Variants in GOLGA5 observed in about 807,000 individuals in gnomAD.
GOLGA5 encodes the protein golgin subfamily A member 5.
GOLGA5 carries 50 observed loss-of-function variants against 93.5 expected under a neutral mutation model. The observed-to-expected ratio is 0.53, with a 90% CI of 0.43 to 0.68. The LOEUF is 0.68. Ranked by LOEUF, GOLGA5 falls within the 30% of genes least tolerant of loss-of-function variation. GOLGA5 has a pLI of 0.00. For synonymous variants in GOLGA5, 312 were observed against 304.5 expected (o/e 1.02, Z -0.26); for missense variants, 760 against 856.4 (o/e 0.89, Z 1.40).
chr14:92,799,898 C>T (rs1309316978), intron 2 of GOLGA5, among the ~76,000 whole-genome samples: 1 of 152,172 alleles, frequency 6.6e-6, no homozygotes, highest in East Asian at 1.9e-4. Context: ...TGAGCCACCA[C>T]ACCTGGCCAG....
chr14:92,808,626 C>T (rs1019000860), intron 3 of GOLGA5, among the ~76,000 whole-genome samples: 5 of 146,064 alleles, frequency 3.4e-5, no homozygotes, highest in Admixed American at 2.1e-4. Flanking sequence ...GCACTCCAGC[C>T]GGGGCAACAG....
chr14:92,811,056 C>G (rs1885092942), intron 5 of GOLGA5, among the ~76,000 whole-genome samples: 1 of 152,076 alleles, frequency 6.6e-6, no homozygotes, highest in Admixed American at 6.5e-5. Flanking sequence ...ACAATATATC[C>G]AAAGTATTAA....
intron 8 of GOLGA5, among the ~76,000 whole-genome samples, chr14:92,822,814 G>A (rs944639314): frequency 6.6e-6 from 1 of 152,000 alleles, no homozygotes; most frequent in Non-Finnish European, 1.5e-5. Flanking sequence ...TCACCACTAT[G>A]GCTGGCTAAT....
intron 9 of GOLGA5, among the ~76,000 whole-genome samples, chr14:92,828,200 G>T (rs901447483): frequency 2.6e-5 from 4 of 152,216 alleles, no homozygotes; most frequent in African/African-American, 9.6e-5. Context: ...CAGGAGAGGA[G>T]AAGTCACTGC....
At chr14:92,828,662 ATTAAT>A (rs1419045550) in intron 9 of GOLGA5, among the ~76,000 whole-genome samples, 1 of 152,120 alleles carries the variant, frequency 6.6e-6, no homozygotes, top group East Asian at 1.9e-4. Flanking sequence ...AATTAAATTA[ATTAAT>A]TTATTTATTT....
chr14:92,828,909 T>C (rs1341525187), intron 9 of GOLGA5, among the ~76,000 whole-genome samples: 3 of 152,160 alleles, frequency 2.0e-5, no homozygotes, highest in African/African-American at 7.2e-5. Context: ...CCTCAACCAA[T>C]CCACCTGCGT....
intron 10 of GOLGA5, among the ~76,000 whole-genome samples, chr14:92,834,930 G>A (rs1387807120): frequency 1.3e-5 from 2 of 152,210 alleles, no homozygotes; most frequent in African/African-American, 4.8e-5. Flanking sequence ...GGTGGACTGA[G>A]AATTTATTTT....
chr14:92,818,955 A>G (rs1885261095), intron 7 of GOLGA5, among the ~76,000 whole-genome samples: 1 of 152,208 alleles, frequency 6.6e-6, no homozygotes, highest in African/African-American at 2.4e-5. Flanking sequence ...TAAAGTAATA[A>G]AGCTAAAAGA....
chr14:92,834,853 G>A (rs985451986), intron 10 of GOLGA5, among the ~76,000 whole-genome samples: 2 of 152,234 alleles, frequency 1.3e-5, no homozygotes, highest in Non-Finnish European at 2.9e-5. Context: ...GAGGCCGGAG[G>A]TGGGTGGGTA....
At chr14:92,809,628 C>T in intron 4 of GOLGA5, 109 bp downstream of exon 4, 2 of 710,632 alleles carry the variant, frequency 2.8e-6, no homozygotes, top group Non-Finnish European at 4.8e-6. Flanking sequence ...GGGAATATTT[C>T]TTTTGGTAGT....
chr14:92,839,786 CTAAT>C lies in GOLGA5; in HGVS notation c.*342_*345del. The C allele has an allele frequency of 3.7e-6, 1 of 270,970 alleles. No individual in the cohort carries two copies. Among genetic ancestry groups the C allele is most frequent in the South Asian group, 1.7e-4 (1 of 5,750 alleles). The allele number at this position is 270,970 out of a possible 1,614,324, so 16.8% of individuals were successfully genotyped here. On this transcript the variant is annotated 3_prime_UTR_variant, in exon 13 of 13. Coordinates refer to ENST00000163416, the MANE Select transcript of GOLGA5 (RefSeq NM_005113.4). Reference sequence around the variant, plus strand: ...TGATTATGGGTTATAATCAGGGAAACTAATTGTATTTAGTGACAAAAATAAAAAG... The same window carrying C: ...TGATTATGGGTTATAATCAGGGAAACTGTATTTAGTGACAAAAATAAAAAG...
rs1402012266 is a variant in GOLGA5, at chr14:92,815,697, A to ATTT, written c.1321-553_1321-552insTTT. On this transcript the variant is annotated intron_variant, in intron 6 of 12. Coordinates refer to ENST00000163416, the MANE Select transcript of GOLGA5 (RefSeq NM_005113.4). ...AATAAATAAACACAAATTTTTTTTA[A>ATTT]TCTTTTTTTTTTTTTTTTTTTTTTT... is the stretch of plus-strand genomic sequence containing the variant. Among the ~76,000 whole-genome samples the ATTT allele has an allele frequency of 4.5e-5, 6 of 132,368 alleles. No individual in the cohort carries two copies. The South Asian group carries it at 1.4e-3, about 32-fold the overall frequency. The allele number at this position is 132,368 out of a possible 152,430, so 86.8% of individuals were successfully genotyped here.
Position 92,835,571 on chromosome 14 carries a change from G to A in GOLGA5, c.1958G>A (p.Arg653Gln), listed in dbSNP as rs1885624961. The A allele has an allele frequency of 3.7e-6, 6 of 1,611,232 alleles. No individual in the cohort carries two copies. The highest frequency in any genetic ancestry group is 2.2e-5 in the East Asian group (1 of 44,834). Reference sequence around the variant, plus strand: ...CTTATTTAAACAGGCACTCGTCTGCGAAATGTTCCTGTTCTTTTTAATGAC... The same window carrying A: ...CTTATTTAAACAGGCACTCGTCTGCAAAATGTTCCTGTTCTTTTTAATGAC... ...GIDNGEGTRL[R>Q]NVPVLFNDTE... is the part of the protein sequence containing the mutation. Residue 653 changes from arginine to glutamine, a missense_variant, in exon 11 of 13, where the codon CGA becomes CAA. Coordinates refer to ENST00000163416, the MANE Select transcript of GOLGA5 (RefSeq NM_005113.4).
At chr14:92,828,738 A>G (rs1019727609) in intron 9 of GOLGA5, among the ~76,000 whole-genome samples, 1 of 149,762 alleles carries the variant, frequency 6.7e-6, no homozygotes, top group African/African-American at 2.5e-5. Context: ...GCCTGATCGC[A>G]GCTCACTGCA....
intron 11 of GOLGA5, among the ~76,000 whole-genome samples, chr14:92,837,067 G>A (rs146982662): frequency 7.4e-4 from 111 of 149,568 alleles, no homozygotes; most frequent in African/African-American, 2.6e-3. Context: ...GAGAAACTCC[G>A]TCTCAAAAAA....
At chr14:92,797,384 G>T in intron 1 of GOLGA5, 24 bp from the exon 2 acceptor site, 1 of 1,357,466 alleles carries the variant, frequency 7.4e-7, no homozygotes, top group South Asian at 1.4e-5. Flanking sequence ...ATGCCACACT[G>T]ATCATTTTAT....
intron 2 of GOLGA5, among the ~76,000 whole-genome samples, chr14:92,805,694 C>G (rs888619809): frequency 6.6e-6 from 1 of 152,082 alleles, no homozygotes; most frequent in Non-Finnish European, 1.5e-5. Flanking sequence ...TGTTGGTTCT[C>G]ATTGTGATTT....
chr14:92,815,431 G>A (rs1190535385), intron 6 of GOLGA5, among the ~76,000 whole-genome samples: 1 of 152,178 alleles, frequency 6.6e-6, no homozygotes, highest in Non-Finnish European at 1.5e-5. Context: ...GTAAGGCAGA[G>A]GGTACTATCT....
At chr14:92,826,438 G>A (rs1007223289) in intron 9 of GOLGA5, among the ~76,000 whole-genome samples, 1 of 152,056 alleles carries the variant, frequency 6.6e-6, no homozygotes, top group Non-Finnish European at 1.5e-5. Context: ...TTTCACACCT[G>A]TAATCCCAGC....
Sources: gnomAD v4.1 joint callset for allele counts (sites outside exome capture counted in the v4.1 genomes callset) on GRCh38, gnomAD v4.1.1 for gene constraint, MANE v1.5 for transcripts, NCBI Gene and HGNC (gene_info 2026-07-23, HGNC 2026-07-21) for gene names.